Variants in MGAT4C observed in about 807,000 individuals in gnomAD.
MGAT4C encodes the protein MGAT4 family member C.
A neutral mutation model predicts 40.1 loss-of-function variants in MGAT4C; 19 were observed. The ratio of observed to expected loss-of-function variants is 0.47; its 90% confidence interval spans 0.33 to 0.70. MGAT4C has a LOEUF of 0.70. MGAT4C is among the 30% of genes least tolerant of loss of function. The pLI, the probability that MGAT4C is intolerant of heterozygous loss-of-function variation, is 0.02. For missense variants in MGAT4C, 491 were observed against 563.2 expected (o/e 0.87, Z 1.30); for synonymous variants, 181 against 187.1 (o/e 0.97, Z 0.27).
At chr12:86,816,756 C>G (rs1952615404) in intron 1 of MGAT4C, among the ~76,000 whole-genome samples, 1 of 151,490 alleles carries the variant, frequency 6.6e-6, no homozygotes, top group African/African-American at 2.4e-5. Flanking sequence ...CCTGCAATAT[C>G]TGTTGTTAGC....
At chr12:86,200,624 T>G (rs181844335) in intron 1 of MGAT4C, among the ~76,000 whole-genome samples, 1 of 152,276 alleles carries the variant, frequency 6.6e-6, no homozygotes, top group East Asian at 1.9e-4. Flanking sequence ...TAAGCACCTT[T>G]TTATGTTCTT....
rs574572255 is a variant in MGAT4C at position 86,143,718 on chromosome 12, C to T, written c.-56-93995G>A. On this transcript the variant is annotated intron_variant, in intron 1 of 4. Transcript: ENST00000611864. ...AGGATATTCCGATAAAACACAGATA[C>T]TTGAAAACTTGAGTGGCAGAAATTA... 3.9e-4 allele frequency among the ~76,000 whole-genome samples: 59 copies of T among 152,162 alleles called. 1 individual carries two copies. Among genetic ancestry groups the T allele is most frequent in the Admixed American group, 2.9e-3 (45 of 15,282 alleles).
chr12:86,831,337 T>A (rs1175309387), intron 1 of MGAT4C, among the ~76,000 whole-genome samples: 2 of 151,708 alleles, frequency 1.3e-5, no homozygotes, highest in African/African-American at 4.8e-5. Context: ...AGCTACGAGA[T>A]GAACCACAGG....
chr12:86,328,736 T>C (rs1566292762), intron 4 of MGAT4C, among the ~76,000 whole-genome samples: 1 of 152,168 alleles, frequency 6.6e-6, no homozygotes, highest in Non-Finnish European at 1.5e-5. Context: ...TTAATTATCT[T>C]TGATTTGTTA....
intron 1 of MGAT4C, among the ~76,000 whole-genome samples, chr12:86,103,635 G>GT (rs1046567366): frequency 2.0e-5 from 3 of 151,872 alleles, no homozygotes; most frequent in East Asian, 1.9e-4. Flanking sequence ...CATCCTTTTT[G>GT]TTTTTTTCTT....
At chr12:86,065,197 C>T (rs1336707937) in intron 1 of MGAT4C, among the ~76,000 whole-genome samples, 4 of 152,142 alleles carry the variant, frequency 2.6e-5, no homozygotes, top group African/African-American at 9.7e-5. Context: ...GGGACTCCTC[C>T]CTAACTCATT....
intron 1 of MGAT4C, among the ~76,000 whole-genome samples, chr12:86,196,297 G>T (rs987178442): frequency 4.6e-5 from 7 of 152,174 alleles, no homozygotes; most frequent in African/African-American, 1.7e-4. Context: ...AGATATTAAG[G>T]CTCACGCATA....
chr12:86,603,670 T>G (rs2136464237), intron 2 of MGAT4C, among the ~76,000 whole-genome samples: 1 of 128,752 alleles, frequency 7.8e-6, no homozygotes, highest in South Asian at 2.3e-4. Flanking sequence ...ATATTATATA[T>G]AGTATATATA....
At position 86,517,781 on chromosome 12, in the gene MGAT4C, G is replaced by T. The variant is rs191813929; in HGVS notation, c.-228-82516C>A. Among the ~76,000 whole-genome samples, 719 of 152,238 alleles carry T rather than the reference G, an allele frequency of 4.7e-3. 4 individuals carry two copies. Among genetic ancestry groups the T allele is most frequent in the Non-Finnish European group, 7.3e-3 (499 of 68,020 alleles). On this transcript the variant is annotated intron_variant, in intron 2 of 7. Coordinates refer to the MGAT4C transcript ENST00000548651. ...CTGCCTCAGCCTCCCGAGTAGCTGG[G>T]ACGACAGGCGCCCGCCACCACGCCC...
At chr12:86,183,884 C>T (rs1333340072) in intron 1 of MGAT4C, among the ~76,000 whole-genome samples, 1 of 152,172 alleles carries the variant, frequency 6.6e-6, no homozygotes. Flanking sequence ...CTAATAAAAT[C>T]ACATTGAGAG....
At chr12:86,100,788 T>G (rs1036119248) in intron 1 of MGAT4C, among the ~76,000 whole-genome samples, 4 of 151,734 alleles carry the variant, frequency 2.6e-5, no homozygotes, top group Admixed American at 2.0e-4. Context: ...AATTTTGGAT[T>G]TTTTTCCACC....
intron 2 of MGAT4C, among the ~76,000 whole-genome samples, chr12:86,448,208 CTG>C (rs2136284809): frequency 6.6e-6 from 1 of 152,274 alleles, no homozygotes; most frequent in East Asian, 1.9e-4. Flanking sequence ...CCTGGGTTGC[CTG>C]TGGCAGCTTC....
At chr12:86,647,249 C>T (rs1175800981) in intron 2 of MGAT4C, among the ~76,000 whole-genome samples, 1 of 151,886 alleles carries the variant, frequency 6.6e-6, no homozygotes, top group Non-Finnish European at 1.5e-5. Flanking sequence ...TGTTTTGAGT[C>T]ATTAAATTTG....
intron 1 of MGAT4C, among the ~76,000 whole-genome samples, chr12:86,170,923 G>T (rs566685658): frequency 6.3e-4 from 96 of 151,906 alleles, no homozygotes; most frequent in Non-Finnish European, 1.0e-3. Context: ...AGAAAGAGAA[G>T]AAAGAAAAAG....
intron 1 of MGAT4C, among the ~76,000 whole-genome samples, chr12:86,768,441 C>T (rs1951558980): frequency 6.6e-6 from 1 of 152,054 alleles, no homozygotes; most frequent in Non-Finnish European, 1.5e-5. Context: ...GGCCATACTA[C>T]CCAAGGTAAT....
Position 86,584,250 on chromosome 12 carries a change from G to A in MGAT4C, c.-229+142959C>T, listed in dbSNP as rs187465572. Among the ~76,000 whole-genome samples, 25 of 150,662 alleles carry A rather than the reference G, an allele frequency of 1.7e-4. No homozygotes were observed. In the East Asian group the frequency reaches 3.3e-3, roughly 20 times the overall value. ...GAAAAATAGATTTTTAAAAGATAGC[G>A]CTACATTGATGAGTTCATAGAGAAT... On this transcript the variant is annotated intron_variant, in intron 2 of 7. Coordinates refer to the MGAT4C transcript ENST00000548651.
At chr12:86,263,847 G>C (rs1484635664) in intron 4 of MGAT4C, among the ~76,000 whole-genome samples, 1 of 152,086 alleles carries the variant, frequency 6.6e-6, no homozygotes, top group African/African-American at 2.4e-5. Flanking sequence ...GGTATTTTTT[G>C]TCTTTCTAAT....
chr12:86,751,241 G>T (rs1327858281), intron 1 of MGAT4C, among the ~76,000 whole-genome samples: 1 of 151,966 alleles, frequency 6.6e-6, no homozygotes, highest in Non-Finnish European at 1.5e-5. Context: ...TTACTGCAGT[G>T]TTTCAGTTAT....
chr12:86,585,671 T>C (rs1338923928), intron 2 of MGAT4C, among the ~76,000 whole-genome samples: 2 of 151,302 alleles, frequency 1.3e-5, no homozygotes, highest in Non-Finnish European at 3.0e-5. Flanking sequence ...TTCATTTTTC[T>C]TTAAGGCATC....
Sources: allele counts gnomAD v4.1 joint callset (sites outside exome capture counted in the v4.1 genomes callset), GRCh38; gene constraint gnomAD v4.1.1; transcripts MANE v1.5; gene names NCBI Gene and HGNC (gene_info 2026-07-23, HGNC 2026-07-21).